The following ZNF492 variants were observed in gnomAD, a reference collection of about 807,000 sequenced individuals.
ZNF492 encodes zinc finger protein 492, also known as zinc finger protein 115 (Y20).
In ZNF492, 3 loss-of-function variants were observed where a neutral mutation model predicts 6.4. The observed-to-expected ratio is 0.47, with a 90% CI of 0.21 to 1.22. The LOEUF (loss-of-function observed/expected upper bound fraction) is 1.22. Ranked by LOEUF, ZNF492 falls within the 50% of genes most tolerant of loss-of-function variation. ZNF492 has a pLI of 0.22. For missense variants in ZNF492, 356 were observed against 612.5 expected, an observed-to-expected ratio of 0.58 and a Z score of 4.42; for synonymous variants, 112 against 205.3, an observed-to-expected ratio of 0.55 and a Z score of 3.89.
intron 1 of ZNF492, among the ~76,000 whole-genome samples, chr19:22,640,429 T>C (rs373765507): frequency 9.2e-5 from 14 of 152,366 alleles, no homozygotes; most frequent in African/African-American, 3.4e-4. Flanking sequence ...CCCAAAGTGC[T>C]GGGATTACAG....
At chr19:22,649,319 T>C (rs1376433833) in intron 1 of ZNF492, among the ~76,000 whole-genome samples, 2 of 152,308 alleles carry the variant, frequency 1.3e-5, no homozygotes, top group African/African-American at 2.4e-5. Context: ...GATGGACTTA[T>C]TTTGTAGGTG....
At position 22,664,302 on chromosome 19, in the gene ZNF492, C is replaced by G. The variant is rs746846155; in HGVS notation, c.633C>G (p.His211Gln). 1.1e-5 allele frequency: 17 copies of G among 1,580,316 alleles called. No homozygotes were observed. The highest frequency in any genetic ancestry group is 1.5e-5 in the Non-Finnish European group (17 of 1,163,588). Residue 211 changes from histidine to glutamine, a missense_variant, in exon 4 of 4, where the codon CAC becomes CAG. His to Gln is a conservative substitution (Grantham distance 24). Coordinates refer to ENST00000456783, the MANE Select transcript of ZNF492 (RefSeq NM_020855.3). ...ECGKAFNRLS[H>Q]LTTHKIIHTG... ...GAAAAGCCTTTAACCGGCTCTCACA[C>G]CTTACTACACATAAGATAATTCATA...
intron 1 of ZNF492, among the ~76,000 whole-genome samples, chr19:22,647,083 GT>G (rs61364329): frequency 0.11 from 16,881 of 151,732 alleles, 979 homozygotes; most frequent in Middle Eastern, 0.16. Context: ...TAGAGACGAA[GT>G]TTCTCCATGT....
At chr19:22,647,612 T>C (rs1290452356) in intron 1 of ZNF492, among the ~76,000 whole-genome samples, 1 of 151,426 alleles carries the variant, frequency 6.6e-6, no homozygotes, top group Non-Finnish European at 1.5e-5. Flanking sequence ...CATTGATTTT[T>C]TTTTGAGGGT....
At chr19:22,655,656 C>G (rs1219914695) in intron 3 of ZNF492, among the ~76,000 whole-genome samples, 1 of 129,532 alleles carries the variant, frequency 7.7e-6, no homozygotes, top group Non-Finnish European at 1.6e-5. Context: ...ACTTATTTGT[C>G]TTCAATTTCA....
chr19:22,656,857 C>T (rs1330044522), intron 3 of ZNF492, among the ~76,000 whole-genome samples: 1 of 152,018 alleles, frequency 6.6e-6, no homozygotes, highest in East Asian at 1.9e-4. Context: ...TCTTTAAGGG[C>T]ACTTATTTTG....
Position 22,665,549 on chromosome 19 carries a change from G to A in ZNF492, c.*284G>A. The A allele has an allele frequency of 4.5e-6, 2 of 443,186 alleles. No homozygotes were observed. Among genetic ancestry groups the A allele is most frequent in the South Asian group, 3.7e-5 (1 of 27,084 alleles). 27.5% of individuals were successfully genotyped at this position (443,186 alleles called of 1,614,324 possible). A position where few individuals can be genotyped will look rare whatever the true frequency, so the allele number is the denominator to read the frequency against. ...ACTGTCAAAAGAGTTCAAAAAATAA[G>A]CATTTAAAGTGCTGAAGAGGATTTA... On this transcript the variant is annotated 3_prime_UTR_variant, in exon 4 of 4. Transcript: ENST00000456783.
chr19:22,658,713 T>C (rs1313421369), intron 3 of ZNF492, among the ~76,000 whole-genome samples: 1 of 142,564 alleles, frequency 7.0e-6, no homozygotes, highest in Non-Finnish European at 1.5e-5. Context: ...TTTCAAATTA[T>C]ATCTGCTGAA....
chr19:22,639,695 G>A (rs1417586980), intron 1 of ZNF492, among the ~76,000 whole-genome samples: 1 of 143,380 alleles, frequency 7.0e-6, no homozygotes, highest in African/African-American at 2.6e-5. Context: ...TGGGCAATAA[G>A]AGCGAAACTT....
intron 3 of ZNF492, among the ~76,000 whole-genome samples, chr19:22,661,852 C>T (rs768676971): frequency 3.0e-4 from 46 of 152,212 alleles, no homozygotes; most frequent in Middle Eastern, 3.4e-3. Flanking sequence ...CCACCTTGGC[C>T]GCCAAAGTGC....
chr19:22,654,496 A>G (rs577046059), intron 3 of ZNF492, among the ~76,000 whole-genome samples: 296 of 150,418 alleles, frequency 2.0e-3, no homozygotes, highest in African/African-American at 6.9e-3. Context: ...ATAGTTTGAA[A>G]TTATAAAGTA....
chr19:22,660,925 T>G (rs1972052246), intron 3 of ZNF492, among the ~76,000 whole-genome samples: 1 of 148,972 alleles, frequency 6.7e-6, no homozygotes, highest in South Asian at 2.1e-4. Context: ...TTTTTTTTTT[T>G]TTTCCCCTCA....
At chr19:22,656,886 A>G (rs564216999) in intron 3 of ZNF492, among the ~76,000 whole-genome samples, 33 of 152,262 alleles carry the variant, frequency 2.2e-4, no homozygotes, top group African/African-American at 7.7e-4. Flanking sequence ...TTCTTGCTAC[A>G]TAACCCAGGT....
intron 1 of ZNF492, among the ~76,000 whole-genome samples, chr19:22,640,715 T>C (rs1971817882): frequency 6.6e-6 from 1 of 152,232 alleles, no homozygotes; most frequent in African/African-American, 2.4e-5. Context: ...CCTTTGTCCA[T>C]CTACTAGAAT....
At chr19:22,653,034 CAT>C (rs532318027) in intron 1 of ZNF492, among the ~76,000 whole-genome samples, 65 of 151,574 alleles carry the variant, frequency 4.3e-4, no homozygotes, top group African/African-American at 1.6e-3. Flanking sequence ...CAAAAATGTA[CAT>C]GTTAGTGTTA....
intron 3 of ZNF492, among the ~76,000 whole-genome samples, chr19:22,658,309 G>A (rs1203389311): frequency 2.6e-5 from 4 of 151,526 alleles, no homozygotes; most frequent in African/African-American, 2.4e-5. Context: ...GTCTCCTTGG[G>A]AGATTGAGGA....
rs1972114361 is a variant in ZNF492, at chr19:22,665,398, T to C, written c.*133T>C. ...AAACTTACACAATGCTCAAACCTTA[T>C]TGCACAGGAAAGCCTTTATACTTGA... On this transcript the variant is annotated 3_prime_UTR_variant, in exon 4 of 4. Transcript: ENST00000456783. The C allele has an allele frequency of 1.4e-6, 2 of 1,457,584 alleles. No individual in the cohort carries two copies. Among genetic ancestry groups the C allele is most frequent in the Non-Finnish European group, 1.8e-6 (2 of 1,103,834 alleles). 90.3% of individuals were successfully genotyped at this position (1,457,584 alleles called of 1,614,324 possible). A position where few individuals can be genotyped will look rare whatever the true frequency, so the allele number is the denominator to read the frequency against.
rs1599404999 is a variant in ZNF492, at chr19:22,665,382, C to T, written c.*117C>T. On this transcript the variant is annotated 3_prime_UTR_variant, in exon 4 of 4. Transcript: ENST00000456783. Reference sequence around the variant, plus strand: ...AATGAACAGTGTGGCAAAACTTACACAATGCTCAAACCTTATTGCACAGGA... The same window carrying T: ...AATGAACAGTGTGGCAAAACTTACATAATGCTCAAACCTTATTGCACAGGA... 1 of 1,476,486 alleles carries T rather than the reference C, an allele frequency of 6.8e-7. No individual in the cohort carries two copies. The highest frequency in any genetic ancestry group is 2.5e-5 in the East Asian group (1 of 40,670). 91.5% of individuals were successfully genotyped at this position (1,476,486 alleles called of 1,614,324 possible). A position where few individuals can be genotyped will look rare whatever the true frequency, so the allele number is the denominator to read the frequency against.
At chr19:22,642,205 T>A (rs1971834610) in intron 1 of ZNF492, among the ~76,000 whole-genome samples, 1 of 152,152 alleles carries the variant, frequency 6.6e-6, no homozygotes, top group South Asian at 2.1e-4. Context: ...TCCAGTGACC[T>A]GGTTGTTTTA....
Sources: gnomAD v4.1 joint callset for allele counts (sites outside exome capture counted in the v4.1 genomes callset) on GRCh38, gnomAD v4.1.1 for gene constraint, MANE v1.5 for transcripts, NCBI Gene and HGNC (gene_info 2026-07-23, HGNC 2026-07-21) for gene names.